RECQL4: variants seen among roughly 807,000 people sequenced by gnomAD.
RECQL4 encodes ATP-dependent DNA helicase Q4.
A neutral mutation model predicts 128.6 loss-of-function variants in RECQL4; 158 were observed. The observed-to-expected ratio is 1.23, with a 90% CI of 1.08 to 1.40. RECQL4 has a LOEUF of 1.40. RECQL4 is among the 40% of genes most tolerant of loss of function. The pLI, the probability that RECQL4 is intolerant of heterozygous loss-of-function variation, is 0.00. For missense variants in RECQL4, 2,293 were observed against 1,649.8 expected, an observed-to-expected ratio of 1.39 and a Z score of -6.75; for synonymous variants, 996 against 678.9, an observed-to-expected ratio of 1.47 and a Z score of -7.26.
At position 144,512,376 on chromosome 8, in the gene RECQL4, G is replaced by T; in HGVS notation, c.3055+16C>A. 1 of 1,608,276 alleles carries T rather than the reference G, an allele frequency of 6.2e-7. No individual in the cohort carries two copies. Among genetic ancestry groups the T allele is most frequent in the Non-Finnish European group, 8.5e-7 (1 of 1,176,810 alleles). On this transcript the variant is annotated intron_variant, in intron 17 of 20. Coordinates refer to ENST00000617875, the MANE Select transcript of RECQL4 (RefSeq NM_004260.4). ...CAGGCAGCGTCCAGGGCGGTGTGGG[G>T]TGGGGAGAGGCGCACCTGTCCTGGG...
At position 144,513,066 on chromosome 8, in the gene RECQL4, C is replaced by G. The variant is rs1827557017; in HGVS notation, c.2536G>C (p.Val846Leu). The G allele has an allele frequency of 1.3e-6, 2 of 1,577,662 alleles. No homozygotes were observed. Among genetic ancestry groups the G allele is most frequent in the Non-Finnish European group, 1.7e-6 (2 of 1,160,922 alleles). Residue 846 changes from valine to leucine, a missense_variant, in exon 15 of 21, where the codon GTA (valine) becomes CTA (leucine). By Grantham distance (32) the Val-to-Leu change is conservative. Transcript: ENST00000617875. ...GTGCAGGCTGGGAACACGCGCTGTACCAGCCTCTTCACAGCCAGGAAGTCC... is the reference window on the plus strand; with the variant it reads ...GTGCAGGCTGGGAACACGCGCTGTAGCAGCCTCTTCACAGCCAGGAAGTCC... ...STDFLAVKRL[V>L]QRVFPACTCT...
At position 144,516,862 on chromosome 8, in the gene RECQL4, G is replaced by A. The variant is rs888792599; in HGVS notation, c.355-98C>T. On this transcript the variant is annotated intron_variant, in intron 4 of 20. Transcript: ENST00000617875. ...AGTCCCCACGCTCAATTGTAGAGCA[G>A]GCTAATTAGCACAAGGCTGGACTAG... 1.0e-5 allele frequency: 14 copies of A among 1,390,860 alleles called. No homozygotes were observed. The South Asian group carries it at 1.3e-4, about 13-fold the overall frequency. The allele number at this position is 1,390,860 out of a possible 1,614,324, so 86.2% of individuals were successfully genotyped here. A position where few individuals can be genotyped will look rare whatever the true frequency, so the allele number is the denominator to read the frequency against.
rs1449275619 is a variant in RECQL4, at chr8:144,513,214, C to T, written c.2463+4G>A. The T allele has an allele frequency of 8.9e-6, 14 of 1,566,142 alleles. No individual in the cohort carries two copies. Among genetic ancestry groups the T allele is most frequent in the African/African-American group, 1.4e-5 (1 of 73,852 alleles). The stretch of plus-strand genomic sequence containing the variant: ...CTGGCAGTGTGGGGGGGGGGGGTGC[C>T]AACCTGGGGCTGCAGGAAGAGGTGG... On this transcript the variant is annotated splice_donor_region_variant and intron_variant, in intron 14 of 20. Coordinates refer to ENST00000617875, the MANE Select transcript of RECQL4 (RefSeq NM_004260.4).
chr8:144,516,452 C>T lies in RECQL4; in HGVS notation c.667G>A (p.Gly223Ser). 1 of 1,608,704 alleles carries T rather than the reference C, an allele frequency of 6.2e-7. No individual in the cohort carries two copies. Among genetic ancestry groups the T allele is most frequent in the Non-Finnish European group, 8.5e-7 (1 of 1,179,756 alleles). ...GSEESQLLIP[G>S]ESAVLGPGAG... ...CCAGGACCAAGGACAGCCGACTCAC[C>T]AGGGATCAGAAGTTGTGATTCCTCT... The change falls in exon 5 of 21, where the codon GGT becomes AGT. Residue 223 changes from glycine to serine, a missense_variant. Coordinates refer to ENST00000617875, the MANE Select transcript of RECQL4 (RefSeq NM_004260.4).
Position 144,513,923 on chromosome 8 carries a change from C to A in RECQL4, c.2058+5G>T. 14 of 1,501,680 alleles carry A rather than the reference C, an allele frequency of 9.3e-6. No homozygotes were observed. Among genetic ancestry groups the A allele is most frequent in the Non-Finnish European group, 1.2e-5 (14 of 1,121,370 alleles). The allele number at this position is 1,501,680 out of a possible 1,614,324, so 93.0% of individuals were successfully genotyped here. A position where few individuals can be genotyped will look rare whatever the true frequency, so the allele number is the denominator to read the frequency against. The stretch of plus-strand genomic sequence containing the variant: ...CTGCAGGGTCCCCAGAGCACACACA[C>A]CCACCTGGTCTGTGTCCCTGTCCAT... On this transcript the variant is annotated splice_donor_5th_base_variant and intron_variant, in intron 12 of 20. Transcript: ENST00000617875.
chr8:144,516,645 C>G lies in RECQL4; in HGVS notation c.474G>C (p.Glu158Asp), dbSNP rs1186107059. The change falls in exon 5 of 21, where the codon GAG becomes GAC. Residue 158 changes from glutamate to aspartate, a missense_variant. Glu to Asp is a conservative substitution (Grantham distance 45). Coordinates refer to ENST00000617875, the MANE Select transcript of RECQL4 (RefSeq NM_004260.4). ...GCTGGGGCTCAGGGAGCTGTGGAGG[C>G]TCATCACTGACTTTTTCTGCAAAGG... The part of the protein sequence containing the change: ...VPSFAEKVSD[E>D]PPQLPEPQPR... The G allele has an allele frequency of 6.2e-7, 1 of 1,606,448 alleles. No homozygotes were observed. The highest frequency in any genetic ancestry group is 8.5e-7 in the Non-Finnish European group (1 of 1,176,606).
chr8:144,517,204 C>G lies in RECQL4; in HGVS notation c.214-14G>C, dbSNP rs749914535. 2.1e-5 allele frequency: 33 copies of G among 1,587,382 alleles called. No individual in the cohort carries two copies. The highest frequency in any genetic ancestry group is 4.0e-5 in the African/African-American group (3 of 74,444). ...GGGCTCTGGCGCCTGCAGGAGACAA[C>G]AGGGGCACAGGCCAGAAAAGGCTGT... On this transcript the variant is annotated splice_polypyrimidine_tract_variant and intron_variant, in intron 3 of 20. Transcript: ENST00000617875.
intron 6 of RECQL4, 96 bp from the exon 7 acceptor site, chr8:144,515,553 G>A: frequency 6.4e-7 from 1 of 1,571,392 alleles, no homozygotes; most frequent in Non-Finnish European, 8.7e-7. Context: ...GTTGGCAGCA[G>A]GCAGTGCCCT....
rs752965461 is a variant in RECQL4, at chr8:144,516,453, A to G, written c.666T>C (p.Pro222=). ...CAGGACCAAGGACAGCCGACTCACC[A>G]GGGATCAGAAGTTGTGATTCCTCTG... The part of the protein sequence containing the change: ...LGSEESQLLI[P]GESAVLGPGA... Residue 222 remains proline (P), a synonymous_variant, in exon 5 of 21, where the codon CCT becomes CCC. Coordinates refer to ENST00000617875, the MANE Select transcript of RECQL4 (RefSeq NM_004260.4). The G allele has an allele frequency of 1.2e-6, 2 of 1,608,546 alleles. No individual in the cohort carries two copies. Among genetic ancestry groups the G allele is most frequent in the African/African-American group, 1.3e-5 (1 of 74,932 alleles).
At position 144,516,333 on chromosome 8, in the gene RECQL4, C is replaced by T. The variant is rs1814982421; in HGVS notation, c.786G>A (p.Arg262=). The change falls in exon 5 of 21, where the codon CGG becomes CGA. Residue 262 remains arginine (R), a synonymous_variant. Coordinates refer to ENST00000617875, the MANE Select transcript of RECQL4 (RefSeq NM_004260.4). Reference sequence around the variant, plus strand: ...TCTCCCAGGGCTCCTCGTTCCATCTCCGCTTCTCGCCTCCACTGCTGCTGG... The same window carrying T: ...TCTCCCAGGGCTCCTCGTTCCATCTTCGCTTCTCGCCTCCACTGCTGCTGG... ...PQPSSSGGEK[R]RWNEEPWESP... 1.9e-6 allele frequency: 3 copies of T among 1,609,692 alleles called. No individual in the cohort carries two copies. The highest frequency in any genetic ancestry group is 1.7e-6 in the Non-Finnish European group (2 of 1,179,432).
In RECQL4 at chr8:144,513,082, C is replaced by A. The variant is rs1554897859; in HGVS notation, c.2520G>T (p.Leu840=). The change falls in exon 15 of 21, where the codon CTG becomes CTT. Residue 840 remains leucine, a synonymous_variant. Transcript: ENST00000617875. The stretch of plus-strand genomic sequence containing the variant: ...CGCGCTGTACCAGCCTCTTCACAGC[C>A]AGGAAGTCCGTGCTGTCGGCGTGCA... ...RHVHADSTDF[L]AVKRLVQRVF... 3 of 1,577,268 alleles carry A rather than the reference C, an allele frequency of 1.9e-6. No individual in the cohort carries two copies. The highest frequency in any genetic ancestry group is 2.6e-6 in the Non-Finnish European group (3 of 1,159,614).
At position 144,515,750 on chromosome 8, in the gene RECQL4, G is replaced by C. The variant is rs1332899412; in HGVS notation, c.1258+14C>G. ...AGTGTTGGCCGGACCCACCCTCCAG[G>C]GCAGATGTCTCACCTGGCCGGGGAC... On this transcript the variant is annotated intron_variant, in intron 6 of 20. Transcript: ENST00000617875. 6.2e-7 allele frequency: 1 copy of C among 1,611,730 alleles called. No homozygotes were observed. Among genetic ancestry groups the C allele is most frequent in the Non-Finnish European group, 8.5e-7 (1 of 1,179,500 alleles).
At position 144,512,213 on chromosome 8, in the gene RECQL4, T is replaced by C. The variant is rs773143092; in HGVS notation, c.3167A>G (p.Tyr1056Cys). The C allele has an allele frequency of 2.5e-6, 4 of 1,612,404 alleles. No individual in the cohort carries two copies. The highest frequency in any genetic ancestry group is 3.4e-6 in the Non-Finnish European group (4 of 1,179,760). ...GCGCTCCCGGGCCTGCACACGGCCATAGAGGAAGTCACATATCTGGTCCTT... is the reference window on the plus strand; with the variant it reads ...GCGCTCCCGGGCCTGCACACGGCCACAGAGGAAGTCACATATCTGGTCCTT... ...EEKDQICDFL[Y>C]GRVQARERQA... is the part of the protein sequence containing the mutation. Residue 1056 changes from tyrosine to cysteine, a missense_variant, in exon 18 of 21, where the codon TAT (tyrosine) becomes TGT (cysteine). Transcript: ENST00000617875.
chr8:144,517,602 C>A lies in RECQL4; in HGVS notation c.118G>T (p.Ala40Ser). The change falls in exon 2 of 21, where the codon GCG (alanine) becomes TCG (serine). Residue 40 changes from alanine (A) to serine (S), a missense_variant and splice_region_variant. Coordinates refer to ENST00000617875, the MANE Select transcript of RECQL4 (RefSeq NM_004260.4). ...DVEAAPEETR[A>S]LYREYRTLKR... ...CCCCGCCGCCCCGCCGCGCGCTCAC[C>A]GCGGGTCTCCTCCGGCGCCGCCTCC... 1 of 1,486,332 alleles carries A rather than the reference C, an allele frequency of 6.7e-7. No homozygotes were observed. Among genetic ancestry groups the A allele is most frequent in the Non-Finnish European group, 8.9e-7 (1 of 1,126,364 alleles). 92.1% of individuals were successfully genotyped at this position (1,486,332 alleles called of 1,614,324 possible).
At chr8:144,512,584 A>G (rs1827456301) in intron 16 of RECQL4, 23 bp from the exon 17 acceptor site, 1 of 1,612,160 alleles carries the variant, frequency 6.2e-7, no homozygotes, top group South Asian at 1.1e-5. Flanking sequence ...AAAAAGGGAC[A>G]TGTGGCCAAC....
In RECQL4 at chr8:144,514,121, G is replaced by A. The variant is rs757633347; in HGVS notation, c.1879-14C>T. ...CTCCCGAAGCACCTGCACCAGAGGCGGCAGTGGTGTGAGGCCGCCCAGCCC... is the reference window on the plus strand; with the variant it reads ...CTCCCGAAGCACCTGCACCAGAGGCAGCAGTGGTGTGAGGCCGCCCAGCCC... On this transcript the variant is annotated splice_polypyrimidine_tract_variant and intron_variant, in intron 11 of 20. Transcript: ENST00000617875. 23 of 1,608,958 alleles carry A rather than the reference G, an allele frequency of 1.4e-5. No individual in the cohort carries two copies. Among genetic ancestry groups the A allele is most frequent in the East Asian group, 2.2e-5 (1 of 44,768 alleles).
In RECQL4 at chr8:144,513,981, G is replaced by A. The variant is rs888214723; in HGVS notation, c.2005C>T (p.Pro669Ser). 8 of 1,565,174 alleles carry A rather than the reference G, an allele frequency of 5.1e-6. No homozygotes were observed. The highest frequency in any genetic ancestry group is 4.1e-5 in the African/African-American group (3 of 73,664). Residue 669 changes from proline to serine, a missense_variant, in exon 12 of 21, where the codon CCA becomes TCA. By Grantham distance (74) the Pro-to-Ser change is moderately conservative. Transcript: ENST00000617875. ...AEEPDLHGPA[P>S]VPTNLHLSVS... ...GAAAGGTGCAGGTTGGTGGGAACTGGGGCTGGCCCGTGGAGGTCAGGCTCT... is the reference window on the plus strand; with the variant it reads ...GAAAGGTGCAGGTTGGTGGGAACTGAGGCTGGCCCGTGGAGGTCAGGCTCT...
At chr8:144,513,798 AGTGAGGAGGGGT>A (rs1827725250) in intron 12 of RECQL4, 86 bp from the exon 13 acceptor site, 1 of 729,194 alleles carries the variant, frequency 1.4e-6, no homozygotes, top group African/African-American at 3.1e-5. Flanking sequence ...CGGCGTGGGG[AGTGAGGAGGGGT>A]CGGCGTGGGC....
chr8:144,514,341 C>T lies in RECQL4; in HGVS notation c.1726G>A (p.Val576Met), dbSNP rs570331496. Residue 576 changes from valine to methionine, a missense_variant, in exon 11 of 21, where the codon GTG (valine) becomes ATG (methionine). Physicochemically the swap from Val to Met is conservative, Grantham distance 21. Coordinates refer to ENST00000617875, the MANE Select transcript of RECQL4 (RefSeq NM_004260.4). ...AGTGCCTCAGGTGTCAGCATCAGCA[C>T]GTGTACCTGGGCTGCCCGAATCTGA... ...LQKIRAAQVH[V>M]LMLTPEALVG... is the part of the protein sequence containing the mutation. 128 of 1,606,194 alleles carry T rather than the reference C, an allele frequency of 8.0e-5. No homozygotes were observed. Among genetic ancestry groups the T allele is most frequent in the Non-Finnish European group, 1.0e-4 (118 of 1,175,624 alleles).
Sources: gnomAD v4.1 joint callset for allele counts on GRCh38, gnomAD v4.1.1 for gene constraint, MANE v1.5 for transcripts, NCBI Gene and HGNC (gene_info 2026-07-23, HGNC 2026-07-21) for gene names.